AGAP1: variants seen among roughly 807,000 people sequenced by gnomAD.
The protein encoded by AGAP1 is arf-GAP with GTPase, ANK repeat and PH domain-containing protein 1.
Under a neutral mutation model 105.3 loss-of-function variants are expected in AGAP1, and 29 were observed. The ratio of observed to expected loss-of-function variants is 0.28; its 90% CI spans 0.21 to 0.38. The LOEUF is 0.38. Ranked by LOEUF, AGAP1 falls within the 10% of genes least tolerant of loss-of-function variation. The pLI is 1.00. For synonymous variants in AGAP1, 509 were observed against 485.9 expected (o/e 1.05, Z -0.63); for missense variants, 998 against 1,165.1 (o/e 0.86, Z 2.09).
rs562575321 is a variant in AGAP1, at chr2:235,740,362, G to A, written c.311-601G>A. On this transcript the variant is annotated intron_variant, in intron 3 of 17. Transcript: ENST00000304032. This position sits in a 1 kb window ranked among gnomAD's most constrained non-coding sequence, Gnocchi z 5.7. ...TGGTCTCTAACGCCTCCTGTCAGCCGCTGCTCTGCTGTCTCCACCCGTGCG... is the reference window on the plus strand; with the variant it reads ...TGGTCTCTAACGCCTCCTGTCAGCCACTGCTCTGCTGTCTCCACCCGTGCG... Among the ~76,000 whole-genome samples the A allele has an allele frequency of 7.2e-5, 11 of 152,260 alleles. No homozygotes were observed. Among genetic ancestry groups the A allele is most frequent in the Admixed American group, 3.9e-4 (6 of 15,302 alleles).
chr2:235,556,320 A>T lies in AGAP1; in HGVS notation c.163+61471A>T, dbSNP rs1010166641. Among the ~76,000 whole-genome samples the T allele has an allele frequency of 5.3e-5, 8 of 152,218 alleles. No individual in the cohort carries two copies. The highest frequency in any genetic ancestry group is 1.0e-4 in the Non-Finnish European group (7 of 68,038). ...TGGGTCCCCTTTGTCCTTGGCCTAT[A>T]CCTGCCTTCTGCATTCTGGGGCTAC... is the stretch of plus-strand genomic sequence containing the variant. On this transcript the variant is annotated intron_variant, in intron 1 of 17. Coordinates refer to ENST00000304032, the MANE Select transcript of AGAP1 (RefSeq NM_001037131.3). This position sits in a 1 kb window ranked among gnomAD's most constrained non-coding sequence, Gnocchi z 5.3.
intron 1 of AGAP1, among the ~76,000 whole-genome samples, chr2:235,576,638 G>GTT (rs1944742649): frequency 2.6e-5 from 4 of 152,208 alleles, no homozygotes. Flanking sequence ...GGCCGTTGAG[G>GTT]GCAGGTTCGA....
At chr2:235,939,751 T>C (rs2053169521) in intron 12 of AGAP1, among the ~76,000 whole-genome samples, 1 of 152,148 alleles carries the variant, frequency 6.6e-6, no homozygotes, top group Non-Finnish European at 1.5e-5. Context: ...CCCTCTCTCC[T>C]CTGGGCTTCT....
chr2:235,997,052 T>C (rs1003790119), intron 13 of AGAP1, among the ~76,000 whole-genome samples: 2 of 151,954 alleles, frequency 1.3e-5, no homozygotes, highest in African/African-American at 4.9e-5. Context: ...TGTGCATGCA[T>C]AGGTACATAG....
rs1055209163 is a variant in AGAP1, at chr2:236,027,734, G to A, written c.1646-8827G>A. 3.9e-5 allele frequency among the ~76,000 whole-genome samples: 6 copies of A among 152,064 alleles called. No individual in the cohort carries two copies. Among genetic ancestry groups the A allele is most frequent in the African/African-American group, 1.2e-4 (5 of 41,412 alleles). On this transcript the variant is annotated intron_variant, in intron 13 of 17. Transcript: ENST00000304032. This position sits in a 1 kb window ranked among gnomAD's most constrained non-coding sequence, Gnocchi z 4.4. ...TCTCCAGGGCTAGGATGAACCATCT[G>A]GTCAAAACAGAACAGAAACCCCAAA...
intron 1 of AGAP1, among the ~76,000 whole-genome samples, chr2:235,541,376 C>CT (rs556785424): frequency 0.037 from 3,406 of 91,016 alleles, 676 homozygotes; most frequent in Non-Finnish European, 0.051. Context: ...CATTCTTATT[C>CT]TTTTTTTTTT....
chr2:235,693,918 T>G (rs1402078831), intron 1 of AGAP1, among the ~76,000 whole-genome samples: 3 of 152,222 alleles, frequency 2.0e-5, no homozygotes, highest in Non-Finnish European at 4.4e-5. Context: ...GCAGTTTCAA[T>G]GTCTGTTAAT....
intron 1 of AGAP1, among the ~76,000 whole-genome samples, chr2:235,618,581 T>A (rs991041624): frequency 6.6e-6 from 1 of 152,246 alleles, no homozygotes; most frequent in Non-Finnish European, 1.5e-5. Context: ...AGGCTTTAGT[T>A]ATTTTATCTT....
At chr2:235,854,957 A>G (rs1393197776) in intron 9 of AGAP1, among the ~76,000 whole-genome samples, 1 of 152,040 alleles carries the variant, frequency 6.6e-6, no homozygotes, top group Non-Finnish European at 1.5e-5. Flanking sequence ...CGTCACGTAG[A>G]CTTTGTGAGA....
Position 236,101,408 on chromosome 2 carries a change from G to A in AGAP1, c.2115-18784G>A, listed in dbSNP as rs775920804. ...TGCAGCTTTTTCTGAATGTGTCGCC[G>A]TGTCATAGCCTGCGACCTTCTCTTT... On this transcript the variant is annotated intron_variant, in intron 16 of 17. Transcript: ENST00000304032. This position sits in a 1 kb window ranked among gnomAD's most constrained non-coding sequence, Gnocchi z 4.9. Among the ~76,000 whole-genome samples the A allele has an allele frequency of 1.3e-5, 2 of 152,128 alleles. No homozygotes were observed. The highest frequency in any genetic ancestry group is 6.5e-5 in the Admixed American group (1 of 15,282).
At position 235,736,268 on chromosome 2, in the gene AGAP1, G is replaced by T. The variant is rs1361076825; in HGVS notation, c.311-4695G>T. Among the ~76,000 whole-genome samples the T allele has an allele frequency of 6.6e-6, 1 of 152,060 alleles. No homozygotes were observed. Among genetic ancestry groups the T allele is most frequent in the Non-Finnish European group, 1.5e-5 (1 of 68,028 alleles). ...TTCCCACGGAGCTCGCCTAGCACCT[G>T]TTCACAGGTGTGCCTGGGCCAGATG... On this transcript the variant is annotated intron_variant, in intron 3 of 17. Coordinates refer to ENST00000304032, the MANE Select transcript of AGAP1 (RefSeq NM_001037131.3). This position sits in a 1 kb window ranked among gnomAD's most constrained non-coding sequence, Gnocchi z 5.5.
At chr2:235,530,232 G>T (rs541633677) in intron 1 of AGAP1, among the ~76,000 whole-genome samples, 2 of 152,272 alleles carry the variant, frequency 1.3e-5, no homozygotes, top group African/African-American at 2.4e-5. Flanking sequence ...TCGCAGTCTT[G>T]GTGTATCTGA....
In AGAP1 at chr2:235,931,540, C is replaced by A. The variant is rs530696918; in HGVS notation, c.1483+617C>A. Among the ~76,000 whole-genome samples the A allele has an allele frequency of 5.9e-5, 9 of 152,152 alleles. No individual in the cohort carries two copies. In the South Asian group the frequency reaches 1.7e-3, roughly 28 times the overall value. On this transcript the variant is annotated intron_variant, in intron 12 of 17. Coordinates refer to ENST00000304032, the MANE Select transcript of AGAP1 (RefSeq NM_001037131.3). This position sits in a 1 kb window ranked among gnomAD's most constrained non-coding sequence, Gnocchi z 5.6. ...TCTGTGTGGAGCGTGAATGACGCAG[C>A]ACCGAGGGCACCCTGGTGGCTGCAG...
rs1051928496 is a variant in AGAP1 at position 236,123,446 on chromosome 2, T to C, written c.2371-473T>C. Among the ~76,000 whole-genome samples the C allele has an allele frequency of 6.6e-6, 1 of 152,224 alleles. No individual in the cohort carries two copies. The highest frequency in any genetic ancestry group is 2.4e-5 in the African/African-American group (1 of 41,460). On this transcript the variant is annotated intron_variant, in intron 17 of 17. Coordinates refer to ENST00000304032, the MANE Select transcript of AGAP1 (RefSeq NM_001037131.3). The surrounding 1 kb of genome is among the most constrained non-coding windows in gnomAD (Gnocchi z 4.6). The stretch of plus-strand genomic sequence containing the variant: ...TATTTGTACAGTCTTATCTCAATTA[T>C]GTACATATACATGTAGATTCAAAGA...
chr2:235,520,888 T>C (rs1409385213), intron 1 of AGAP1, among the ~76,000 whole-genome samples: 1 of 152,206 alleles, frequency 6.6e-6, no homozygotes, highest in Non-Finnish European at 1.5e-5. Flanking sequence ...GATGCTCCAG[T>C]GATCCCATCT....
At position 235,604,433 on chromosome 2, in the gene AGAP1, G is replaced by A. The variant is rs148323079; in HGVS notation, c.164-104746G>A. Among the ~76,000 whole-genome samples the A allele has an allele frequency of 6.5e-3, 982 of 150,554 alleles. 11 individuals carry two copies. Among genetic ancestry groups the A allele is most frequent in the African/African-American group, 0.023 (953 of 40,868 alleles). ...GGAGGTTGAGGCTGTAGAAAACCAC[G>A]ATTGTGCCAGTGCACTTCAGCCTGG... On this transcript the variant is annotated intron_variant, in intron 1 of 17. Transcript: ENST00000304032.
intron 1 of AGAP1, among the ~76,000 whole-genome samples, chr2:235,512,547 T>C (rs1942191755): frequency 1.3e-5 from 2 of 152,172 alleles, no homozygotes; most frequent in African/African-American, 4.8e-5. Flanking sequence ...TGAGCCATGA[T>C]TGCACCACTA....
intron 15 of AGAP1, 36 bp from the exon 16 acceptor site, chr2:236,049,023 C>A: frequency 6.4e-7 from 1 of 1,573,186 alleles, no homozygotes; most frequent in Non-Finnish European, 8.7e-7. Flanking sequence ...GCATGATGGT[C>A]TGATTGCGTT....
At chr2:235,738,810 G>A (rs868436437) in intron 3 of AGAP1, among the ~76,000 whole-genome samples, 12 of 151,988 alleles carry the variant, frequency 7.9e-5, no homozygotes, top group Middle Eastern at 3.4e-3. Flanking sequence ...CACCTGCCTC[G>A]GCCTCCCAAA....
Sources: gnomAD v4.1 joint callset for allele counts (sites outside exome capture counted in the v4.1 genomes callset) on GRCh38, gnomAD v4.1.1 for gene constraint, Gnocchi (gnomAD v3.1) non-coding constraint, MANE v1.5 for transcripts, NCBI Gene and HGNC (gene_info 2026-07-23, HGNC 2026-07-21) for gene names.